The following INPP4B variants were observed in gnomAD, a reference collection of about 807,000 sequenced individuals.
INPP4B encodes inositol polyphosphate-4-phosphatase type II B.
In INPP4B, 55 loss-of-function variants were observed where a neutral mutation model predicts 122.5. The ratio of observed to expected loss-of-function variants is 0.45; its 90% CI spans 0.36 to 0.56. The LOEUF is 0.56. Ranked by LOEUF, INPP4B falls within the 20% of genes least tolerant of loss-of-function variation. INPP4B has a pLI of 0.00. For synonymous variants in INPP4B, 403 were observed against 388.7 expected (o/e 1.04, Z -0.43); for missense variants, 1,000 against 1,097.7 (o/e 0.91, Z 1.26).
At chr4:142,540,091 G>A (rs563865749) in intron 2 of INPP4B, among the ~76,000 whole-genome samples, 37 of 151,962 alleles carry the variant, frequency 2.4e-4, no homozygotes, top group Non-Finnish European at 4.3e-4. Context: ...ACAAGCTTCA[G>A]TTATTATTTT....
intron 1 of INPP4B, among the ~76,000 whole-genome samples, chr4:142,796,537 T>TA (rs1357896755): frequency 5.9e-5 from 9 of 151,694 alleles, no homozygotes; most frequent in Admixed American, 4.6e-4. Flanking sequence ...AGAGAAGAGG[T>TA]AAAAAAGTCT....
intron 2 of INPP4B, among the ~76,000 whole-genome samples, chr4:142,612,214 C>G (rs1188863523): frequency 6.6e-6 from 1 of 152,182 alleles, no homozygotes; most frequent in Non-Finnish European, 1.5e-5. Context: ...CTCACTCTCC[C>G]TGCTGCTTCT....
At chr4:142,734,722 T>C (rs1332598582) in intron 1 of INPP4B, among the ~76,000 whole-genome samples, 1 of 152,194 alleles carries the variant, frequency 6.6e-6, no homozygotes, top group African/African-American at 2.4e-5. Context: ...CTCGGCTCAC[T>C]GCAACCTCCG....
chr4:142,374,156 C>T (rs1368335594), intron 7 of INPP4B, among the ~76,000 whole-genome samples: 1 of 151,894 alleles, frequency 6.6e-6, no homozygotes, highest in African/African-American at 2.4e-5. Flanking sequence ...CTACGTAATA[C>T]ACACGCTTAT....
intron 5 of INPP4B, among the ~76,000 whole-genome samples, chr4:142,408,150 AG>A (rs1803832756): frequency 6.6e-6 from 1 of 152,124 alleles, no homozygotes; most frequent in Non-Finnish European, 1.5e-5. Flanking sequence ...ATAAATAATG[AG>A]TGATTGGATT....
At chr4:142,804,744 G>A (rs751234809) in intron 1 of INPP4B, among the ~76,000 whole-genome samples, 23 of 152,128 alleles carry the variant, frequency 1.5e-4, no homozygotes, top group Non-Finnish European at 2.2e-4. Flanking sequence ...ATGGCTCACC[G>A]CAGCCTTGAC....
chr4:142,367,149 G>C (rs1430660634), intron 7 of INPP4B, among the ~76,000 whole-genome samples: 3 of 151,576 alleles, frequency 2.0e-5, no homozygotes, highest in Non-Finnish European at 4.4e-5. Context: ...ACCTCAGCAG[G>C]GGTGGGGGCT....
At chr4:142,753,472 TCCAGCTGGTATGATAAAGA>T (rs1348778543) in intron 1 of INPP4B, among the ~76,000 whole-genome samples, 1 of 152,018 alleles carries the variant, frequency 6.6e-6, no homozygotes, top group Non-Finnish European at 1.5e-5. Context: ...ACATCAGCAA[TCCAGCTGGTATGATAAAGA>T]CCAGGTCAGC....
intron 2 of INPP4B, among the ~76,000 whole-genome samples, chr4:142,638,331 C>T (rs1007603232): frequency 1.3e-5 from 2 of 152,110 alleles, no homozygotes; most frequent in Non-Finnish European, 2.9e-5. Flanking sequence ...TGGCATTTTA[C>T]ATTTAAGTCT....
chr4:142,185,160 A>C (rs1579209386), intron 15 of INPP4B, among the ~76,000 whole-genome samples: 1 of 152,092 alleles, frequency 6.6e-6, no homozygotes, highest in African/African-American at 2.4e-5. Flanking sequence ...AAGTAAATTA[A>C]TTTTAAGTGA....
chr4:142,049,005 A>T (rs559401954), intron 25 of INPP4B, among the ~76,000 whole-genome samples: 1 of 152,048 alleles, frequency 6.6e-6, no homozygotes, highest in Non-Finnish European at 1.5e-5. Context: ...GTTTACAATT[A>T]CATTGTCAAC....
At chr4:142,576,800 T>C (rs1399044125) in intron 2 of INPP4B, among the ~76,000 whole-genome samples, 1 of 151,978 alleles carries the variant, frequency 6.6e-6, no homozygotes, top group Non-Finnish European at 1.5e-5. Context: ...AGTTTAAACA[T>C]AACAGTATTT....
At chr4:142,041,962 T>C (rs1275180391) in intron 25 of INPP4B, among the ~76,000 whole-genome samples, 1 of 152,146 alleles carries the variant, frequency 6.6e-6, no homozygotes, top group African/African-American at 2.4e-5. Context: ...TTCCCTTTCT[T>C]TCTATCACAG....
At chr4:142,197,889 T>C (rs1561456071) in intron 14 of INPP4B, among the ~76,000 whole-genome samples, 1 of 152,262 alleles carries the variant, frequency 6.6e-6, no homozygotes, top group East Asian at 1.9e-4. Context: ...ATCTGATATA[T>C]TTTCCAAAGT....
intron 25 of INPP4B, among the ~76,000 whole-genome samples, chr4:142,055,268 T>C (rs919764592): frequency 2.0e-5 from 3 of 152,140 alleles, no homozygotes; most frequent in African/African-American, 7.2e-5. Flanking sequence ...TTAATAATGA[T>C]AATCACTGAT....
At chr4:142,845,262 A>G (rs1192534384) in intron 1 of INPP4B, among the ~76,000 whole-genome samples, 2 of 152,082 alleles carry the variant, frequency 1.3e-5, no homozygotes, top group Admixed American at 6.5e-5. Flanking sequence ...TACTGCCCCC[A>G]AGGAAGGGAG....
At chr4:142,593,254 T>A (rs1353126412) in intron 2 of INPP4B, among the ~76,000 whole-genome samples, 1 of 152,040 alleles carries the variant, frequency 6.6e-6, no homozygotes, top group Non-Finnish European at 1.5e-5. Context: ...TCACAGATGA[T>A]GAGGTAAAAT....
At chr4:142,145,626 A>G (rs1487356931) in intron 18 of INPP4B, among the ~76,000 whole-genome samples, 1 of 152,158 alleles carries the variant, frequency 6.6e-6, no homozygotes, top group Non-Finnish European at 1.5e-5. Context: ...AAGATAAGAA[A>G]AAAAAAAGAA....
intron 1 of INPP4B, among the ~76,000 whole-genome samples, chr4:142,811,148 T>A (rs1407826301): frequency 1.3e-5 from 2 of 152,216 alleles, no homozygotes. Flanking sequence ...TGGGGCTCGA[T>A]GCAGTGCTGG....
Sources: gnomAD v4.1 joint callset for allele counts (sites outside exome capture counted in the v4.1 genomes callset) on GRCh38, gnomAD v4.1.1 for gene constraint, MANE v1.5 for transcripts, NCBI Gene and HGNC (gene_info 2026-07-23, HGNC 2026-07-21) for gene names.